The following KIRREL2 variants were observed in gnomAD, a reference collection of about 807,000 sequenced individuals.
KIRREL2 encodes the protein kin of IRRE-like protein 2.
A neutral mutation model predicts 73.4 loss-of-function variants in KIRREL2; 56 were observed. The ratio of observed to expected loss-of-function variants is 0.76; its 90% CI spans 0.62 to 0.95. The LOEUF is 0.95. Among genes scored for constraint, KIRREL2 ranks in the 40% least tolerant of loss-of-function variants. The pLI is 0.00. For synonymous variants in KIRREL2, 407 were observed against 404.0 expected (o/e 1.01, Z -0.09); for missense variants, 896 against 935.0 (o/e 0.96, Z 0.54).
intron 13 of KIRREL2, 63 bp from the exon 14 acceptor site, chr19:35,864,585 G>A: frequency 7.2e-7 from 1 of 1,389,562 alleles, no homozygotes; most frequent in Non-Finnish European, 1.0e-6. Context: ...AAGGTCCTTG[G>A]GGTCTGGCAT....
chr19:35,857,015 A>G lies in KIRREL2; in HGVS notation c.-105A>G, dbSNP rs765366745. The G allele has an allele frequency of 6.0e-6, 7 of 1,165,246 alleles. No individual in the cohort carries two copies. Among genetic ancestry groups the G allele is most frequent in the Non-Finnish European group, 9.0e-6 (7 of 775,654 alleles). 72.2% of individuals were successfully genotyped at this position (1,165,246 alleles called of 1,614,324 possible). A position where few individuals can be genotyped will look rare whatever the true frequency, so the allele number is the denominator to read the frequency against. ...AGAGACTAGGCTGGGCGAAGAGTCG[A>G]GCGTGAAGGGGGCTCCGGGCCAGGG... On this transcript the variant is annotated 5_prime_UTR_variant, in exon 1 of 15. Coordinates refer to ENST00000360202, the MANE Select transcript of KIRREL2 (RefSeq NM_199180.4).
chr19:35,866,320 G>A lies in KIRREL2; in HGVS notation c.1955G>A (p.Cys652Tyr). Residue 652 changes from cysteine (C) to tyrosine (Y), a missense_variant, in exon 15 of 15, where the codon TGC (cysteine) becomes TAC (tyrosine). Physicochemically the swap from Cys to Tyr is radical, Grantham distance 194 (BLOSUM62 -2). Coordinates refer to ENST00000360202, the MANE Select transcript of KIRREL2 (RefSeq NM_199180.4). ...FNPHLGMVPP[C>Y]RLYRARAGYL... ...CCACACCTGGGCATGGTCCCCCCCTGCAGACTTTACAGAGCCAGGGCAGGC... is the reference window on the plus strand; with the variant it reads ...CCACACCTGGGCATGGTCCCCCCCTACAGACTTTACAGAGCCAGGGCAGGC... The A allele has an allele frequency of 1.9e-6, 3 of 1,609,738 alleles. No homozygotes were observed. The highest frequency in any genetic ancestry group is 2.5e-6 in the Non-Finnish European group (3 of 1,177,948).
At chr19:35,857,236 G>T in intron 1 of KIRREL2, 56 bp downstream of exon 1, 2 of 1,602,168 alleles carry the variant, frequency 1.2e-6, no homozygotes, top group South Asian at 2.2e-5. Context: ...TTGCTTGCGG[G>T]CTGCCTCTTC....
intron 13 of KIRREL2, among the ~76,000 whole-genome samples, chr19:35,864,247 G>A (rs578070210): frequency 4.6e-5 from 7 of 152,138 alleles, no homozygotes; most frequent in African/African-American, 1.7e-4. Flanking sequence ...CTGGAATGCA[G>A]TGGTGCAATC....
intron 1 of KIRREL2, 39 bp downstream of exon 1, chr19:35,857,219 T>TTTTGGGGGGGGGGGG: frequency 3.2e-6 from 2 of 631,730 alleles, no homozygotes; most frequent in Non-Finnish European, 4.6e-6. Flanking sequence ...GGGGTGGGGG[T>TTTTGGGGGGGGGGGG]GGGGAGTTGC....
chr19:35,866,808 G>GT lies in KIRREL2; in HGVS notation c.*318dup. The stretch of plus-strand genomic sequence containing the variant: ...TTGGGAGTTTGGGGCCGGGATGGAA[G>GT]TTGTTTCTAGCCACTGAAAGAAGAT... On this transcript the variant is annotated 3_prime_UTR_variant, in exon 15 of 15. Coordinates refer to ENST00000360202, the MANE Select transcript of KIRREL2 (RefSeq NM_199180.4). The GT allele has an allele frequency of 2.0e-6, 1 of 489,658 alleles. No homozygotes were observed. Among genetic ancestry groups the GT allele is most frequent in the Middle Eastern group, 5.2e-4 (1 of 1,908 alleles). 30.3% of individuals were successfully genotyped at this position (489,658 alleles called of 1,614,324 possible).
chr19:35,854,331 C>G (rs1973357278), upstream of KIRREL2, among the ~76,000 whole-genome samples: 1 of 150,838 alleles, frequency 6.6e-6, no homozygotes, highest in African/African-American at 2.4e-5. Flanking sequence ...TCTCTTTTTT[C>G]TTTTTTTGAG....
rs78016316 is a variant in KIRREL2 at position 35,859,242 on chromosome 19, C to T, written c.523-239C>T. 8.3e-3 allele frequency among the ~76,000 whole-genome samples: 1,263 copies of T among 152,316 alleles called. 16 individuals carry two copies. Among genetic ancestry groups the T allele is most frequent in the African/African-American group, 0.029 (1,198 of 41,560 alleles). ...ACTATATAAGTAAGGCAAGCTTGTCCAACCTGCGGCCCATGGGCTGCATGC... is the reference window on the plus strand; with the variant it reads ...ACTATATAAGTAAGGCAAGCTTGTCTAACCTGCGGCCCATGGGCTGCATGC... On this transcript the variant is annotated intron_variant, in intron 4 of 14. Transcript: ENST00000360202.
chr19:35,855,318 TC>T (rs1175417724), upstream of KIRREL2, among the ~76,000 whole-genome samples: 1 of 151,868 alleles, frequency 6.6e-6, no homozygotes, highest in African/African-American at 2.4e-5. Context: ...CCTTCCACCC[TC>T]CACCTTGGCT....
upstream of KIRREL2, among the ~76,000 whole-genome samples, chr19:35,852,221 G>A (rs893490649): frequency 1.8e-4 from 27 of 151,142 alleles, no homozygotes; most frequent in African/African-American, 3.2e-4. Context: ...GAGCCACTGC[G>A]CCCAGTCTCT....
chr19:35,854,917 A>T (rs931558676), upstream of KIRREL2, among the ~76,000 whole-genome samples: 2 of 151,948 alleles, frequency 1.3e-5, no homozygotes, highest in African/African-American at 4.8e-5. Flanking sequence ...GGATTTTATA[A>T]CCATATGCTG....
upstream of KIRREL2, chr19:35,851,709 G>A (rs1250647300): frequency 1.3e-5 from 20 of 1,585,798 alleles, no homozygotes; most frequent in Non-Finnish European, 1.6e-5. Flanking sequence ...AGGGCAGAGG[G>A]TTTGTCTAGG....
chr19:35,851,751 G>T (rs772288321), upstream of KIRREL2: 4 of 1,556,452 alleles, frequency 2.6e-6, no homozygotes, highest in Non-Finnish European at 3.5e-6. Flanking sequence ...GCCACTTGGC[G>T]CTGGGTACAA....
chr19:35,853,471 G>GTC, upstream of KIRREL2, among the ~76,000 whole-genome samples: 1 of 151,974 alleles, frequency 6.6e-6, no homozygotes, highest in South Asian at 2.1e-4. Flanking sequence ...CCTTCTCCAT[G>GTC]TCTCTCTCTC....
At chr19:35,865,319 T>C (rs1474712304) in intron 14 of KIRREL2, among the ~76,000 whole-genome samples, 1 of 151,772 alleles carries the variant, frequency 6.6e-6, no homozygotes, top group Non-Finnish European at 1.5e-5. Context: ...GGCTAATTTT[T>C]CTTGTATTTT....
chr19:35,856,863 G>A, upstream of KIRREL2: 1 of 561,746 alleles, frequency 1.8e-6, no homozygotes, highest in South Asian at 2.1e-5. This position sits in a 1 kb window ranked among gnomAD's most constrained non-coding sequence, Gnocchi z 5.9. Flanking sequence ...GCTCCCGGGG[G>A]GCGGACCCGG....
In KIRREL2 at chr19:35,860,503, G is replaced by T. The variant is rs764601432; in HGVS notation, c.780-16G>T. 1.2e-6 allele frequency: 2 copies of T among 1,602,566 alleles called. No individual in the cohort carries two copies. Among genetic ancestry groups the T allele is most frequent in the South Asian group, 2.2e-5 (2 of 91,032 alleles). ...GAGAGGCCAGGACAACGTTAACAGCGCCACCATTTCCTCAGGTGGGCAAAA... is the reference window on the plus strand; with the variant it reads ...GAGAGGCCAGGACAACGTTAACAGCTCCACCATTTCCTCAGGTGGGCAAAA... On this transcript the variant is annotated splice_polypyrimidine_tract_variant and intron_variant, in intron 6 of 14. Transcript: ENST00000360202.
chr19:35,866,256 C>A lies in KIRREL2; in HGVS notation c.1891C>A (p.Leu631Ile), dbSNP rs1419976840. The change falls in exon 15 of 15, where the codon CTT becomes ATT. Residue 631 changes from leucine (L) to isoleucine (I), a missense_variant. Leu to Ile is a conservative substitution (Grantham distance 5). Coordinates refer to ENST00000360202, the MANE Select transcript of KIRREL2 (RefSeq NM_199180.4). ...GGLFLPPPSPLGPPGTPTFYD... is the reference protein window; with the variant it reads ...GGLFLPPPSPIGPPGTPTFYD... ...TCTCTTCCTGCCACCACCCTCCCCC[C>A]TTGGGCCCCCAGGGACCCCTACCTT... is the stretch of plus-strand genomic sequence containing the variant. The A allele has an allele frequency of 1.9e-6, 3 of 1,609,418 alleles. No individual in the cohort carries two copies. The highest frequency in any genetic ancestry group is 1.7e-6 in the Non-Finnish European group (2 of 1,175,748).
At chr19:35,857,546 G>A in intron 2 of KIRREL2, 52 bp downstream of exon 2, 2 of 1,479,280 alleles carry the variant, frequency 1.4e-6, no homozygotes, top group East Asian at 2.4e-5. Context: ...GAGAGTTGCT[G>A]GGCTCGGCTG....
Sources: gnomAD v4.1 joint callset for allele counts (sites outside exome capture counted in the v4.1 genomes callset) on GRCh38, gnomAD v4.1.1 for gene constraint, Gnocchi (gnomAD v3.1) non-coding constraint, MANE v1.5 for transcripts, NCBI Gene and HGNC (gene_info 2026-07-23, HGNC 2026-07-21) for gene names.